CUBN: variants seen among roughly 807,000 people sequenced by gnomAD.
CUBN encodes cubilin.
In CUBN, 282 loss-of-function variants were observed where a neutral mutation model predicts 405.3. The ratio of observed to expected loss-of-function variants is 0.70; its 90% CI spans 0.63 to 0.77. CUBN has a LOEUF of 0.77. CUBN is among the 30% of genes least tolerant of loss of function. The pLI is 0.00. For synonymous variants in CUBN, 1,684 were observed against 1,617.0 expected (o/e 1.04, Z -0.99); for missense variants, 4,514 against 4,475.2 (o/e 1.01, Z -0.25).
chr10:16,848,434 C>T (rs1245497685), intron 60 of CUBN, among the ~76,000 whole-genome samples: 1 of 152,128 alleles, frequency 6.6e-6, no homozygotes, highest in East Asian at 1.9e-4. Flanking sequence ...AGGCACAGTG[C>T]TAAACGCTCT....
chr10:16,849,701 C>T (rs376738408), intron 60 of CUBN, among the ~76,000 whole-genome samples: 2 of 152,164 alleles, frequency 1.3e-5, no homozygotes, highest in African/African-American at 4.8e-5. Flanking sequence ...ACCCCTCTTG[C>T]CATCACCGCC....
At chr10:16,976,269 T>G (rs11254312) in intron 31 of CUBN, among the ~76,000 whole-genome samples, 84,077 of 151,938 alleles carry the variant, frequency 0.55, 23,635 homozygotes, top group African/African-American at 0.59. Context: ...ACCATACACA[T>G]CCTCACCTTC....
intron 27 of CUBN, among the ~76,000 whole-genome samples, chr10:17,038,468 C>A (rs2131812005): frequency 6.6e-6 from 1 of 152,286 alleles, no homozygotes; most frequent in South Asian, 2.1e-4. Context: ...ATAAAGGATG[C>A]ATTTGGTTTC....
chr10:16,937,855 A>G, intron 38 of CUBN, 71 bp from the exon 39 acceptor site: 1 of 1,389,872 alleles, frequency 7.2e-7, no homozygotes, highest in Non-Finnish European at 9.9e-7. Context: ...AAAATAAAAA[A>G]GATGCCTTAT....
At chr10:17,075,498 G>A (rs1835839551) in intron 17 of CUBN, among the ~76,000 whole-genome samples, 1 of 152,104 alleles carries the variant, frequency 6.6e-6, no homozygotes, top group Non-Finnish European at 1.5e-5. Flanking sequence ...CTGACAATAT[G>A]TATTAAGGGT....
intron 60 of CUBN, among the ~76,000 whole-genome samples, chr10:16,842,561 T>C (rs567864396): frequency 6.2e-4 from 95 of 152,238 alleles, no homozygotes; most frequent in African/African-American, 2.1e-3. Flanking sequence ...CTTCAAAATA[T>C]ATCCCAGAGG....
intron 27 of CUBN, among the ~76,000 whole-genome samples, chr10:17,028,518 C>T (rs983453356): frequency 1.3e-4 from 20 of 151,330 alleles, no homozygotes; most frequent in African/African-American, 4.6e-4. Flanking sequence ...GCCAGGAGCC[C>T]GAGACCACAC....
At chr10:16,965,956 G>T (rs763329096) in intron 31 of CUBN, 1 of 471,122 alleles carries the variant, frequency 2.1e-6, no homozygotes, top group Admixed American at 2.3e-5. Context: ...TCTGTCTGAC[G>T]TCCGACCAAG....
intron 27 of CUBN, among the ~76,000 whole-genome samples, chr10:17,021,196 T>C (rs572919665): frequency 5.3e-5 from 8 of 152,346 alleles, no homozygotes; most frequent in East Asian, 1.9e-4. Context: ...CATTTTTCCA[T>C]TGAGGTATTT....
chr10:17,017,150 CT>C (rs1303613521), intron 28 of CUBN, among the ~76,000 whole-genome samples: 1 of 152,078 alleles, frequency 6.6e-6, no homozygotes, highest in African/African-American at 2.4e-5. Flanking sequence ...ACTGCCCGTG[CT>C]TTTGGTTTGT....
chr10:17,015,300 C>T (rs192825938), intron 28 of CUBN, among the ~76,000 whole-genome samples: 8 of 152,188 alleles, frequency 5.3e-5, no homozygotes, highest in Admixed American at 1.3e-4. Flanking sequence ...GGGTTGATTC[C>T]CTCCTCAAGT....
intron 54 of CUBN, among the ~76,000 whole-genome samples, chr10:16,898,730 G>A (rs1196785444): frequency 4.6e-5 from 7 of 152,020 alleles, no homozygotes; most frequent in South Asian, 2.1e-4. Context: ...TCAACGTTCC[G>A]TAATTTTTGT....
At chr10:17,005,081 T>A (rs1466940091) in intron 28 of CUBN, among the ~76,000 whole-genome samples, 3 of 152,164 alleles carry the variant, frequency 2.0e-5, no homozygotes, top group African/African-American at 4.8e-5. Flanking sequence ...AGAACTCTTA[T>A]TCTAAAGTGT....
chr10:17,009,769 G>A (rs1239318032), intron 28 of CUBN, among the ~76,000 whole-genome samples: 5 of 152,214 alleles, frequency 3.3e-5, no homozygotes, highest in Non-Finnish European at 5.9e-5. Flanking sequence ...ATCTAGGACT[G>A]AGAACACTCT....
chr10:16,965,844 T>G, intron 31 of CUBN: 2 of 379,578 alleles, frequency 5.3e-6, no homozygotes, highest in Non-Finnish European at 1.1e-5. Context: ...TTACATTTGA[T>G]TCTTACAGTT....
Position 16,824,433 on chromosome 10 carries a change from T to C in CUBN, c.*542A>G, listed in dbSNP as rs1838711989. ...TTTCAAAGTTTTTTTAAATTTCAGCTCAAAATATTAGAATGAAATGCACAC... is the reference window on the plus strand; with the variant it reads ...TTTCAAAGTTTTTTTAAATTTCAGCCCAAAATATTAGAATGAAATGCACAC... On this transcript the variant is annotated 3_prime_UTR_variant, in exon 67 of 67. Transcript: ENST00000377833. 1 of 156,092 alleles carries C rather than the reference T, an allele frequency of 6.4e-6. No homozygotes were observed. Among genetic ancestry groups the C allele is most frequent in the Non-Finnish European group, 1.4e-5 (1 of 70,308 alleles). The allele number at this position is 156,092 out of a possible 1,614,324, so 9.7% of individuals were successfully genotyped here.
At chr10:16,903,098 A>C (rs1412058970) in intron 51 of CUBN, among the ~76,000 whole-genome samples, 2 of 152,220 alleles carry the variant, frequency 1.3e-5, no homozygotes, top group Non-Finnish European at 2.9e-5. Flanking sequence ...ATCATGACAA[A>C]ATAGGATTTA....
Position 16,828,806 on chromosome 10 carries a change from C to T in CUBN, c.10763G>A (p.Gly3588Asp). 1 of 1,604,286 alleles carries T rather than the reference C, an allele frequency of 6.2e-7. No homozygotes were observed. The highest frequency in any genetic ancestry group is 1.1e-5 in the South Asian group (1 of 90,882). ...SSPSSGPYCG[G>D]DTSIAPFVAS... ...ATATAAAATGTTTGTTTTACTCACG[C>T]CTCCGCAGTATGGTCCAGAGGATGG... is the stretch of plus-strand genomic sequence containing the variant. The change falls in exon 66 of 67, where the codon GGC (glycine) becomes GAC (aspartate). Residue 3588 changes from glycine to aspartate, a missense_variant and splice_region_variant. This residue lies in a region of CUBN where 1,186 missense variants were observed against 1,186.9 expected (regional missense o/e 1.00). Coordinates refer to ENST00000377833, the MANE Select transcript of CUBN (RefSeq NM_001081.4).
chr10:17,081,612 A>T (rs544031092), intron 17 of CUBN, among the ~76,000 whole-genome samples: 1 of 152,320 alleles, frequency 6.6e-6, no homozygotes, highest in African/African-American at 2.4e-5. Flanking sequence ...ACTTTCTTGT[A>T]TGACCACTAT....
Sources: gnomAD v4.1 joint callset for allele counts (sites outside exome capture counted in the v4.1 genomes callset) on GRCh38, gnomAD v4.1.1 for gene constraint, gnomAD v4.1.1 regional missense constraint, MANE v1.5 for transcripts, NCBI Gene and HGNC (gene_info 2026-07-23, HGNC 2026-07-21) for gene names.